SLC30A7: variants seen among roughly 807,000 people sequenced by gnomAD.
SLC30A7 encodes zinc transporter 7.
In SLC30A7, 35 loss-of-function variants were observed where a neutral mutation model predicts 46.0. The ratio of observed to expected loss-of-function variants is 0.76; its 90% confidence interval spans 0.58 to 1.01. The LOEUF (loss-of-function observed/expected upper bound fraction) is 1.01. Ranked by LOEUF, SLC30A7 falls within the 50% of genes least tolerant of loss-of-function variation. SLC30A7 has a pLI of 0.00. For synonymous variants in SLC30A7, 147 were observed against 157.8 expected (o/e 0.93, Z 0.51); for missense variants, 464 against 451.1 (o/e 1.03, Z -0.26).
At chr1:100,960,771 C>T (rs898630623) in intron 8 of SLC30A7, among the ~76,000 whole-genome samples, 1 of 152,004 alleles carries the variant, frequency 6.6e-6, no homozygotes, top group Non-Finnish European at 1.5e-5. Flanking sequence ...AGTACATTAC[C>T]AGTCTGAATC....
At chr1:100,948,776 T>C (rs1376400418) in intron 8 of SLC30A7, among the ~76,000 whole-genome samples, 1 of 152,200 alleles carries the variant, frequency 6.6e-6, no homozygotes, top group Non-Finnish European at 1.5e-5. Context: ...TCTTGCTTTA[T>C]TTCATTAATT....
intron 8 of SLC30A7, among the ~76,000 whole-genome samples, chr1:100,954,261 C>G (rs767124787): frequency 6.6e-6 from 1 of 151,956 alleles, no homozygotes; most frequent in Non-Finnish European, 1.5e-5. Context: ...AATGTCACAC[C>G]CAACTCTGCC....
the SLC30A7 span, chr1:100,992,570 A>G: frequency 3.6e-6 from 4 of 1,098,364 alleles, no homozygotes; most frequent in Admixed American, 7.3e-5. Context: ...TGAGATATTA[A>G]GTCATATACA....
intron 2 of SLC30A7, among the ~76,000 whole-genome samples, chr1:100,905,264 A>G (rs1651577087): frequency 6.6e-6 from 1 of 152,052 alleles, no homozygotes; most frequent in Non-Finnish European, 1.5e-5. Flanking sequence ...GTTTCTGAAG[A>G]AAAACATGCT....
At chr1:100,932,043 C>G (rs1653691270) in intron 8 of SLC30A7, among the ~76,000 whole-genome samples, 1 of 152,064 alleles carries the variant, frequency 6.6e-6, no homozygotes, top group Non-Finnish European at 1.5e-5. Context: ...AGTATAAAAG[C>G]TAAAATGAAG....
At chr1:100,984,165 G>T (rs1657139576), downstream of SLC30A7, among the ~76,000 whole-genome samples, 1 of 152,186 alleles carries the variant, frequency 6.6e-6, no homozygotes, top group South Asian at 2.1e-4. Context: ...CTAAAACTTT[G>T]GGGGAGGGGA....
chr1:100,940,481 A>G (rs546922370), intron 8 of SLC30A7, among the ~76,000 whole-genome samples: 2 of 152,348 alleles, frequency 1.3e-5, no homozygotes, highest in East Asian at 1.9e-4. Flanking sequence ...ACAAGACACA[A>G]TAAATTAGAG....
intron 8 of SLC30A7, among the ~76,000 whole-genome samples, chr1:100,947,869 TC>T (rs1343450810): frequency 6.6e-6 from 1 of 152,106 alleles, no homozygotes; most frequent in Non-Finnish European, 1.5e-5. Flanking sequence ...AGGATTGCAA[TC>T]CCTGCTCTTT....
At chr1:100,986,480 G>A (rs528710070), downstream of SLC30A7, among the ~76,000 whole-genome samples, 1 of 151,962 alleles carries the variant, frequency 6.6e-6, no homozygotes, top group East Asian at 1.9e-4. Flanking sequence ...TGAAGTGGTG[G>A]CAAAGATACA....
downstream of SLC30A7, among the ~76,000 whole-genome samples, chr1:100,986,264 C>A (rs1376935346): frequency 6.6e-6 from 1 of 152,082 alleles, no homozygotes; most frequent in Non-Finnish European, 1.5e-5. Context: ...ACAAAATTGG[C>A]TGGGCGTGGT....
chr1:100,907,313 T>C (rs992877329), intron 3 of SLC30A7, among the ~76,000 whole-genome samples: 1 of 152,230 alleles, frequency 6.6e-6, no homozygotes, highest in Non-Finnish European at 1.5e-5. Context: ...TACTTTGCTG[T>C]TGATTTATTT....
At chr1:100,995,051 T>C in the SLC30A7 span, 1 of 1,181,936 alleles carries the variant, frequency 8.5e-7, no homozygotes, top group Non-Finnish European at 1.3e-6. Context: ...TTAAGTAGAA[T>C]GTATTGAATT....
chr1:100,921,906 A>T, intron 8 of SLC30A7, 65 bp downstream of exon 8: 6 of 1,202,152 alleles, frequency 5.0e-6, no homozygotes, highest in Non-Finnish European at 7.0e-6. Flanking sequence ...TACTTAAATT[A>T]TAGGTCTAAA....
At chr1:100,918,221 A>G (rs1396714951) in intron 7 of SLC30A7, 94 bp downstream of exon 7, 9 of 1,043,076 alleles carry the variant, frequency 8.6e-6, no homozygotes, top group South Asian at 2.7e-5. Flanking sequence ...TAAGAAAAAT[A>G]TAAAACATAG....
Position 100,965,831 on chromosome 1 carries a change from C to T in SLC30A7, c.996C>T (p.Asp332=), listed in dbSNP as rs773366172. The change falls in exon 10 of 11, where the codon GAC becomes GAT. Residue 332 remains aspartate, a synonymous_variant. Transcript: ENST00000357650. ...AGCACTTCTGGACTTTATGTTCTGA[C>T]GTTTATGTTGGGACCTTGAAATTAA... ...QEQHFWTLCS[D]VYVGTLKLIV... 15 of 1,613,486 alleles carry T rather than the reference C, an allele frequency of 9.3e-6. No individual in the cohort carries two copies. The highest frequency in any genetic ancestry group is 5.0e-5 in the Admixed American group (3 of 59,992).
At position 100,979,436 on chromosome 1, in the gene SLC30A7, C is replaced by CAAAAAAAAA. The variant is rs67182429; in HGVS notation, c.*4593_*4601dup. On this transcript the variant is annotated 3_prime_UTR_variant, in exon 11 of 11. Transcript: ENST00000357650. Reference sequence around the variant, plus strand: ...CAAATACAGTGAAAGATTATGTATCCAAAAAAAAAAAAAAAAAAAAAAGAA... The same window carrying CAAAAAAAAA: ...CAAATACAGTGAAAGATTATGTATCCAAAAAAAAAAAAAAAAAAAAAAAAAAAAAAAGAA... 8 of 90,572 alleles carry CAAAAAAAAA rather than the reference C, an allele frequency of 8.8e-5. No individual in the cohort carries two copies. Among genetic ancestry groups the CAAAAAAAAA allele is most frequent in the East Asian group, 3.7e-4 (1 of 2,690 alleles). 5.6% of individuals were successfully genotyped at this position (90,572 alleles called of 1,614,324 possible). A position where few individuals can be genotyped will look rare whatever the true frequency, so the allele number is the denominator to read the frequency against.
In SLC30A7 at chr1:100,974,829, A is replaced by G. The variant is rs1243395032; in HGVS notation, c.1103A>G (p.Tyr368Cys). The G allele has an allele frequency of 1.7e-5, 27 of 1,598,716 alleles. No homozygotes were observed. The highest frequency in any genetic ancestry group is 2.3e-5 in the Non-Finnish European group (27 of 1,169,566). Residue 368 changes from tyrosine to cysteine, a missense_variant, in exon 11 of 11, where the codon TAC (tyrosine) becomes TGC (cysteine). Physicochemically the swap from Tyr to Cys is radical, Grantham distance 194. Coordinates refer to ENST00000357650, the MANE Select transcript of SLC30A7 (RefSeq NM_133496.5). ...TTTCAGGCTGGAGTGAGACAGCTCT[A>G]CGTACAGATTGACTTTGCAGCCATG... ...IFTQAGVRQL[Y>C]VQIDFAAM
intron 8 of SLC30A7, among the ~76,000 whole-genome samples, chr1:100,940,338 C>T (rs766419475): frequency 6.6e-6 from 1 of 152,064 alleles, no homozygotes; most frequent in Non-Finnish European, 1.5e-5. Context: ...GAAATATTTA[C>T]GGTAGCATGA....
At chr1:100,929,712 A>G (rs1392455855) in intron 8 of SLC30A7, among the ~76,000 whole-genome samples, 1 of 151,758 alleles carries the variant, frequency 6.6e-6, no homozygotes, top group Non-Finnish European at 1.5e-5. Flanking sequence ...TTAGAAAAAG[A>G]CAGGTTTTTT....
Sources: allele counts gnomAD v4.1 joint callset (sites outside exome capture counted in the v4.1 genomes callset), GRCh38; gene constraint gnomAD v4.1.1; transcripts MANE v1.5; gene names NCBI Gene and HGNC (gene_info 2026-07-23, HGNC 2026-07-21).